ARID1B: variants seen among roughly 807,000 people sequenced by gnomAD.
The protein encoded by ARID1B is AT-rich interactive domain-containing protein 1B.
A neutral mutation model predicts 212.3 loss-of-function variants in ARID1B; 30 were observed. That is an observed-to-expected ratio of 0.14 (90% CI 0.11 to 0.19). The LOEUF (loss-of-function observed/expected upper bound fraction) is 0.19. Ranked by LOEUF, ARID1B falls within the 10% of genes least tolerant of loss-of-function variation. The pLI, the probability that ARID1B is intolerant of heterozygous loss-of-function variation, is 1.00. For synonymous variants in ARID1B, 1,402 were observed against 1,301.7 expected (o/e 1.08, Z -1.66); for missense variants, 2,891 against 3,204.0 (o/e 0.90, Z 2.36).
chr6:156,993,787 G>A (rs888650861), intron 4 of ARID1B, among the ~76,000 whole-genome samples: 2 of 152,138 alleles, frequency 1.3e-5, no homozygotes, highest in African/African-American at 4.8e-5. Context: ...CTGTTGACTT[G>A]TTGCTGTTAA....
chr6:157,118,712 G>C (rs916863315), intron 6 of ARID1B, among the ~76,000 whole-genome samples: 3 of 152,194 alleles, frequency 2.0e-5, no homozygotes, highest in Non-Finnish European at 4.4e-5. Flanking sequence ...ACTTGTGTCA[G>C]GTTTATCATT....
intron 6 of ARID1B, among the ~76,000 whole-genome samples, chr6:157,122,749 G>A (rs548518960): frequency 6.6e-6 from 1 of 152,278 alleles, no homozygotes; most frequent in South Asian, 2.1e-4. Context: ...CGTGATCTGG[G>A]CTCACTGCAA....
chr6:157,192,655 G>GT (rs1462873496), intron 15 of ARID1B, among the ~76,000 whole-genome samples: 2 of 152,166 alleles, frequency 1.3e-5, no homozygotes, highest in East Asian at 3.8e-4. Flanking sequence ...TCCTACTTTG[G>GT]TGACTGTCTG....
At chr6:156,905,246 G>GCTCGCGCACACACACACA in intron 3 of ARID1B, among the ~76,000 whole-genome samples, 1 of 76,046 alleles carries the variant, frequency 1.3e-5, no homozygotes, top group South Asian at 3.3e-4. Flanking sequence ...GCTCACATAT[G>GCTCGCGCACACACACACA]CACGCACACA....
chr6:157,003,763 G>A (rs1397656776), intron 4 of ARID1B, among the ~76,000 whole-genome samples: 1 of 152,108 alleles, frequency 6.6e-6, no homozygotes, highest in Non-Finnish European at 1.5e-5. Context: ...ATCATAGCTT[G>A]CTGTAGCCTC....
intron 4 of ARID1B, among the ~76,000 whole-genome samples, chr6:157,035,116 A>C (rs1323578415): frequency 1.3e-5 from 2 of 152,186 alleles, no homozygotes; most frequent in Non-Finnish European, 2.9e-5. Context: ...CAAGTTGTCA[A>C]ATATATTAAA....
intron 4 of ARID1B, among the ~76,000 whole-genome samples, chr6:156,971,340 T>A (rs1218741308): frequency 6.6e-6 from 1 of 152,224 alleles, no homozygotes; most frequent in African/African-American, 2.4e-5. Flanking sequence ...TTTAGTCCCA[T>A]GTTCTTCAGC....
chr6:157,146,564 G>C (rs745942603), intron 7 of ARID1B, among the ~76,000 whole-genome samples: 2 of 152,100 alleles, frequency 1.3e-5, no homozygotes, highest in Non-Finnish European at 2.9e-5. Context: ...TGCATGCTTT[G>C]TTTTGCTTTT....
intron 2 of ARID1B, among the ~76,000 whole-genome samples, chr6:156,880,568 G>A (rs1167332015): frequency 1.3e-5 from 2 of 151,666 alleles, no homozygotes; most frequent in South Asian, 2.1e-4. Context: ...GCGAAACCCC[G>A]TCTCTACTAA....
intron 12 of ARID1B, among the ~76,000 whole-genome samples, chr6:157,181,673 G>GGGCT (rs1448243985): frequency 2.6e-5 from 4 of 152,204 alleles, no homozygotes; most frequent in Non-Finnish European, 5.9e-5. Context: ...GACCTCCAGC[G>GGGCT]GGCTAGGCCT....
intron 13 of ARID1B, among the ~76,000 whole-genome samples, chr6:157,187,169 A>G (rs752523614): frequency 1.3e-5 from 2 of 152,056 alleles, no homozygotes; most frequent in Non-Finnish European, 2.9e-5. Flanking sequence ...AGTTCCAATG[A>G]GCGCTGTAGG....
chr6:157,097,871 A>G (rs2128489126), intron 5 of ARID1B, among the ~76,000 whole-genome samples: 1 of 152,314 alleles, frequency 6.6e-6, no homozygotes, highest in South Asian at 2.1e-4. Context: ...AACTGTGGTT[A>G]GTTATTAGCA....
chr6:157,202,926 A>G (rs1794204640), intron 18 of ARID1B, among the ~76,000 whole-genome samples: 1 of 152,112 alleles, frequency 6.6e-6, no homozygotes, highest in African/African-American at 2.4e-5. Context: ...AAATACATCT[A>G]AATTTTCTAA....
At chr6:156,949,171 G>A (rs1470067003) in intron 4 of ARID1B, among the ~76,000 whole-genome samples, 1 of 152,064 alleles carries the variant, frequency 6.6e-6, no homozygotes. Flanking sequence ...GCTTCATGAG[G>A]ATTTTATTAT....
At chr6:156,783,615 C>T (rs193104079) in intron 1 of ARID1B, among the ~76,000 whole-genome samples, 6 of 152,184 alleles carry the variant, frequency 3.9e-5, no homozygotes, top group Admixed American at 6.5e-5. Flanking sequence ...ACAGGCAAAC[C>T]GAAAAGATGA....
chr6:156,837,683 TTGTG>T (rs1783606836), intron 2 of ARID1B, among the ~76,000 whole-genome samples: 1 of 152,138 alleles, frequency 6.6e-6, no homozygotes. Context: ...AAATCTGTAG[TTGTG>T]AATGAAATTA....
intron 4 of ARID1B, among the ~76,000 whole-genome samples, chr6:157,076,900 T>A (rs1394728454): frequency 6.6e-6 from 1 of 152,228 alleles, no homozygotes. Flanking sequence ...CCTTTCTAAC[T>A]AAATACCTTG....
chr6:156,836,708 AG>A (rs1361858678), intron 2 of ARID1B, among the ~76,000 whole-genome samples: 1 of 152,176 alleles, frequency 6.6e-6, no homozygotes, highest in Non-Finnish European at 1.5e-5. Context: ...TGTGTCACCC[AG>A]GATGGAGTGC....
At chr6:156,798,216 G>A (rs1007390059) in intron 1 of ARID1B, among the ~76,000 whole-genome samples, 13 of 152,170 alleles carry the variant, frequency 8.5e-5, no homozygotes, top group African/African-American at 3.1e-4. Context: ...TGTGCTGGTC[G>A]CTCCCTCCTG....
Sources: gnomAD v4.1 joint callset for allele counts (sites outside exome capture counted in the v4.1 genomes callset) on GRCh38, gnomAD v4.1.1 for gene constraint, MANE v1.5 for transcripts, NCBI Gene and HGNC (gene_info 2026-07-23, HGNC 2026-07-21) for gene names.